The following FXR1 variants were observed in gnomAD, a reference collection of about 807,000 sequenced individuals.
The protein encoded by FXR1 is FMR1 autosomal homolog 1.
Under a neutral mutation model 84.0 loss-of-function variants are expected in FXR1, and 15 were observed. That is an observed-to-expected ratio of 0.18 (90% confidence interval 0.12 to 0.27). The LOEUF is 0.27. FXR1 is among the 10% of genes least tolerant of loss of function. The pLI is 1.00. For synonymous variants in FXR1, 245 were observed against 250.7 expected (o/e 0.98, Z 0.21); for missense variants, 480 against 774.4 (o/e 0.62, Z 4.51).
chr3:180,973,580 A>G (rs572112210), intron 15 of FXR1, among the ~76,000 whole-genome samples: 4 of 152,370 alleles, frequency 2.6e-5, no homozygotes, highest in South Asian at 2.1e-4. Flanking sequence ...GATTATGACA[A>G]TAGCCCTTTT....
chr3:180,967,403 C>T (rs1272566613), intron 13 of FXR1, among the ~76,000 whole-genome samples: 3 of 152,066 alleles, frequency 2.0e-5, no homozygotes, highest in Admixed American at 6.6e-5. Flanking sequence ...TGGTGAAATA[C>T]ACTATACAGT....
chr3:180,915,551 A>G, intron 1 of FXR1: 1 of 1,368,682 alleles, frequency 7.3e-7, no homozygotes, highest in Non-Finnish European at 1.0e-6. Flanking sequence ...CTCAGCAAAA[A>G]CTAGAAGTTG....
intron 1 of FXR1, among the ~76,000 whole-genome samples, chr3:180,913,544 T>G (rs1335850910): frequency 1.3e-5 from 2 of 152,206 alleles, no homozygotes; most frequent in Non-Finnish European, 2.9e-5. Context: ...CCACGAGGTT[T>G]TTTGTTTGTT....
At chr3:180,919,001 A>G (rs1000731526) in intron 1 of FXR1, among the ~76,000 whole-genome samples, 7 of 152,202 alleles carry the variant, frequency 4.6e-5, no homozygotes, top group Non-Finnish European at 1.0e-4. Flanking sequence ...TTATGGTGCA[A>G]TATTTTTTGA....
At chr3:180,951,044 C>A (rs528241261) in intron 7 of FXR1, among the ~76,000 whole-genome samples, 3 of 151,772 alleles carry the variant, frequency 2.0e-5, no homozygotes, top group African/African-American at 7.3e-5. Flanking sequence ...GAGAGCTCGT[C>A]TCTACAAAAA....
Position 180,951,285 on chromosome 3 carries a change from C to T in FXR1, c.631-13C>T. 1 of 1,527,332 alleles carries T rather than the reference C, an allele frequency of 6.5e-7. No homozygotes were observed. Among genetic ancestry groups the T allele is most frequent in the South Asian group, 1.2e-5 (1 of 86,016 alleles). 94.6% of individuals were successfully genotyped at this position (1,527,332 alleles called of 1,614,324 possible). On this transcript the variant is annotated splice_polypyrimidine_tract_variant and intron_variant, in intron 7 of 16. Coordinates refer to ENST00000357559, the MANE Select transcript of FXR1 (RefSeq NM_005087.4). ...TTTGATCTTTTATATTACTAATTTT[C>T]CTTTTTTATTAGTGCACAAAACAAC...
intron 1 of FXR1, among the ~76,000 whole-genome samples, chr3:180,932,587 CTAATTTTAATAG>C (rs1459200754): frequency 2.0e-5 from 3 of 152,022 alleles, no homozygotes; most frequent in Non-Finnish European, 4.4e-5. Flanking sequence ...AATAAGAAGG[CTAATTTTAATAG>C]TAATTTTAAG....
At chr3:180,925,061 C>T (rs1414206050) in intron 1 of FXR1, among the ~76,000 whole-genome samples, 1 of 151,930 alleles carries the variant, frequency 6.6e-6, no homozygotes, top group Non-Finnish European at 1.5e-5. Context: ...TGTTGTAAAC[C>T]TACTTTAAAA....
In FXR1 at chr3:180,970,333, A is replaced by C. The variant is rs1713367544; in HGVS notation, c.1578A>C (p.Thr526=). Residue 526 remains threonine (T), a synonymous_variant, in exon 15 of 17, where the codon ACA becomes ACC. Coordinates refer to ENST00000357559, the MANE Select transcript of FXR1 (RefSeq NM_005087.4). ...VLMDGMTESD[T]ASVNENGLVT... Reference sequence around the variant, plus strand: ...TGGATGGAATGACTGAATCTGATACAGCTTCAGTTAATGAAAATGGGCTAG... The same window carrying C: ...TGGATGGAATGACTGAATCTGATACCGCTTCAGTTAATGAAAATGGGCTAG... The C allele has an allele frequency of 6.3e-7, 1 of 1,584,896 alleles. No individual in the cohort carries two copies. Among genetic ancestry groups the C allele is most frequent in the East Asian group, 2.2e-5 (1 of 44,492 alleles).
Position 180,964,673 on chromosome 3 carries a change from T to TTATATATATATATATATATATA in FXR1, c.1198+1590_1198+1611dup, listed in dbSNP as rs10600370. Among the ~76,000 whole-genome samples the TTATATATATATATATATATATA allele has an allele frequency of 1.8e-3, 247 of 136,280 alleles. 4 individuals carry two copies. Among genetic ancestry groups the TTATATATATATATATATATATA allele is most frequent in the African/African-American group, 5.4e-3 (188 of 34,524 alleles). 89.4% of individuals were successfully genotyped at this position (136,280 alleles called of 152,430 possible). ...TATATCAGAGGGACTTGTAGTTGATTTATATATATATATATATATATATAT... is the reference window on the plus strand; with the variant it reads ...TATATCAGAGGGACTTGTAGTTGATTTATATATATATATATATATATATATATATATATATATATATATATAT... On this transcript the variant is annotated intron_variant, in intron 13 of 16. Transcript: ENST00000357559.
chr3:180,960,360 C>T (rs1711942022), intron 10 of FXR1, among the ~76,000 whole-genome samples: 1 of 152,234 alleles, frequency 6.6e-6, no homozygotes, highest in Non-Finnish European at 1.5e-5. Context: ...TGAGCACATA[C>T]TGTAGGGATA....
Position 180,922,096 on chromosome 3 carries a change from A to T in FXR1, c.51+9360A>T, listed in dbSNP as rs577066383. 2.6e-5 allele frequency among the ~76,000 whole-genome samples: 4 copies of T among 152,342 alleles called. No individual in the cohort carries two copies. In the East Asian group the frequency reaches 7.7e-4, roughly 29 times the overall value. ...TCATAACAATGTATTAAATTCAGCC[A>T]TTCCCCAGTTAATAGACATACACTT... is the stretch of plus-strand genomic sequence containing the variant. On this transcript the variant is annotated intron_variant, in intron 1 of 16. Transcript: ENST00000357559.
intron 1 of FXR1, among the ~76,000 whole-genome samples, chr3:180,918,204 A>G (rs1424588326): frequency 6.6e-6 from 1 of 152,188 alleles, no homozygotes; most frequent in Non-Finnish European, 1.5e-5. Context: ...TAATAGTTTA[A>G]GATGAGAGCC....
In FXR1 at chr3:180,970,231, T is replaced by A; in HGVS notation, c.1476T>A (p.Asp492Glu). The A allele has an allele frequency of 6.2e-7, 1 of 1,603,966 alleles. No homozygotes were observed. Among genetic ancestry groups the A allele is most frequent in the Admixed American group, 1.7e-5 (1 of 59,940 alleles). The change falls in exon 15 of 17, where the codon GAT becomes GAA. Residue 492 changes from aspartate (D) to glutamate (E), a missense_variant. Transcript: ENST00000357559. The stretch of plus-strand genomic sequence containing the variant: ...AATCAGATCAGACTGCAGACACTGA[T>A]GCCAGCGAATCTCATCACAGTACTA... ...NTESDQTADT[D>E]ASESHHSTNR...
chr3:180,965,268 G>A (rs549035481), intron 13 of FXR1, among the ~76,000 whole-genome samples: 2 of 152,036 alleles, frequency 1.3e-5, no homozygotes, highest in South Asian at 2.1e-4. Context: ...TGTCTACCTC[G>A]CCTCCCAAAG....
chr3:180,934,082 C>T lies in FXR1; in HGVS notation c.104+696C>T, dbSNP rs13097727. ...TGAGCTGAGACGGCGCCATTGCACT[C>T]CAGCCTGGACGACAAGAGCAAAACT... On this transcript the variant is annotated intron_variant, in intron 2 of 16. Transcript: ENST00000357559. Among the ~76,000 whole-genome samples, 4 of 152,036 alleles carry T rather than the reference C, an allele frequency of 2.6e-5. No individual in the cohort carries two copies. In the East Asian group the frequency reaches 7.7e-4, roughly 29 times the overall value.
Position 180,981,190 on chromosome 3 carries a change from C to CTT in FXR1, c.*4900_*4901dup, listed in dbSNP as rs940831198. On this transcript the variant is annotated 3_prime_UTR_variant, in exon 17 of 17. Coordinates refer to ENST00000357559, the MANE Select transcript of FXR1 (RefSeq NM_005087.4). ...ATTCTAACCTAAAACCCCTCTAACC[C>CTT]TTTAAATGAAGCATTATGCCTGCGT... 1 of 151,894 alleles carries CTT rather than the reference C, an allele frequency of 6.6e-6. No homozygotes were observed. The highest frequency in any genetic ancestry group is 1.5e-5 in the Non-Finnish European group (1 of 67,910). 9.4% of individuals were successfully genotyped at this position (151,894 alleles called of 1,614,324 possible).
intron 1 of FXR1, among the ~76,000 whole-genome samples, chr3:180,931,742 T>G (rs948993808): frequency 4.2e-5 from 6 of 142,678 alleles, no homozygotes; most frequent in East Asian, 2.0e-4. Flanking sequence ...GTTGTGGGTT[T>G]TTTTTTTTTT....
At chr3:180,927,543 G>A in intron 1 of FXR1, 1 of 548,958 alleles carries the variant, frequency 1.8e-6, no homozygotes, top group East Asian at 3.3e-5. Context: ...TTCCACAACG[G>A]CTCCTGTCAA....
Sources: gnomAD v4.1 joint callset for allele counts (sites outside exome capture counted in the v4.1 genomes callset) on GRCh38, gnomAD v4.1.1 for gene constraint, MANE v1.5 for transcripts, NCBI Gene and HGNC (gene_info 2026-07-23, HGNC 2026-07-21) for gene names.